The following MOV10L1 variants were observed in gnomAD, a reference collection of about 807,000 sequenced individuals.
The protein encoded by MOV10L1 is RNA helicase Mov10l1.
A neutral mutation model predicts 143.8 loss-of-function variants in MOV10L1; 110 were observed. The ratio of observed to expected loss-of-function variants is 0.76; its 90% confidence interval spans 0.66 to 0.90. The LOEUF is 0.90. MOV10L1 is among the 40% of genes least tolerant of loss of function. The pLI, the probability that MOV10L1 is intolerant of heterozygous loss-of-function variation, is 0.00. For synonymous variants in MOV10L1, 593 were observed against 581.1 expected (o/e 1.02, Z -0.29); for missense variants, 1,406 against 1,526.8 (o/e 0.92, Z 1.32).
chr22:50,140,378 A>G (rs1213837759), intron 15 of MOV10L1, among the ~76,000 whole-genome samples: 2 of 152,154 alleles, frequency 1.3e-5, no homozygotes, highest in Non-Finnish European at 1.5e-5. Flanking sequence ...CACTTTAAAT[A>G]TGTGCACCTT....
Position 50,108,708 on chromosome 22 carries a change from T to C in MOV10L1, c.607T>C (p.Phe203Leu), listed in dbSNP as rs1209101046. The change falls in exon 5 of 27, where the codon TTC becomes CTC. Residue 203 changes from phenylalanine to leucine, a missense_variant. Phe to Leu is a conservative substitution (Grantham distance 22). Around this residue, in one of 3 missense-constraint regions of MOV10L1, gnomAD observed 1,233 missense variants for 1,351.4 expected, o/e 0.91. Transcript: ENST00000262794. The stretch of plus-strand genomic sequence containing the variant: ...GAACGGGGTGTTAGAGGAAAGCATC[T>C]TCTTTACCTTGGACTCCTTGAAACT... ...GRNGVLEESI[F>L]FTLDSLKLPD... 6.2e-7 allele frequency: 1 copy of C among 1,614,070 alleles called. No homozygotes were observed. Among genetic ancestry groups the C allele is most frequent in the Non-Finnish European group, 8.5e-7 (1 of 1,180,026 alleles).
chr22:50,122,707 C>A (rs1046029242), intron 10 of MOV10L1, among the ~76,000 whole-genome samples: 1 of 151,850 alleles, frequency 6.6e-6, no homozygotes, highest in African/African-American at 2.4e-5. Context: ...TGACTTTCAT[C>A]ATTTTGAGGT....
In MOV10L1 at chr22:50,161,283, A is replaced by T; in HGVS notation, c.3555-85A>T. ...AACAGGGTAAACTAAGTCCCCTTGT[A>T]AAACCCACATTGGGAAAAGAGTGCA... is the stretch of plus-strand genomic sequence containing the variant. On this transcript the variant is annotated intron_variant, in intron 26 of 26. Transcript: ENST00000262794. The T allele has an allele frequency of 1.2e-5, 14 of 1,215,920 alleles. 1 individual carries two copies. The South Asian group carries it at 2.1e-4, about 18-fold the overall frequency. 75.3% of individuals were successfully genotyped at this position (1,215,920 alleles called of 1,614,324 possible).
At position 50,129,181 on chromosome 22, in the gene MOV10L1, T is replaced by C. The variant is rs77391114; in HGVS notation, c.1910+674T>C. ...AAAGGTGCATACATTTGCATGTGTA[T>C]TCTTTCCCAGATCTCATGTGCACCG... On this transcript the variant is annotated intron_variant, in intron 13 of 26. Transcript: ENST00000262794. Among the ~76,000 whole-genome samples the C allele has an allele frequency of 5.9e-5, 9 of 152,304 alleles. No homozygotes were observed. In the East Asian group the frequency reaches 1.7e-3, roughly 29 times the overall value.
intron 13 of MOV10L1, among the ~76,000 whole-genome samples, chr22:50,130,092 A>G (rs4377433): frequency 0.13 from 19,652 of 152,076 alleles, 1,571 homozygotes; most frequent in East Asian, 0.33. Flanking sequence ...CCTGGCCAAC[A>G]TGGGGAAACA....
At chr22:50,135,299 A>C in intron 15 of MOV10L1, among the ~76,000 whole-genome samples, 1 of 151,496 alleles carries the variant, frequency 6.6e-6, no homozygotes, top group East Asian at 2.0e-4. Context: ...GGCGTGAGCC[A>C]CCACACCCGG....
chr22:50,129,854 C>T lies in MOV10L1; in HGVS notation c.1910+1347C>T, dbSNP rs182656554. On this transcript the variant is annotated intron_variant, in intron 13 of 26. Transcript: ENST00000262794. ...TCCTCTTCCATGAAATGCTTGCTTG[C>T]GTCTTTTGCCCTCTTTTTTATTGAG... Among the ~76,000 whole-genome samples the T allele has an allele frequency of 3.4e-3, 524 of 152,302 alleles. 4 individuals are homozygous for T. The highest frequency in any genetic ancestry group is 0.02 in the Middle Eastern group (6 of 294).
In MOV10L1 at chr22:50,115,229, G is replaced by T. The variant is rs1174544427; in HGVS notation, c.1242G>T (p.Val414=). 6.5e-7 allele frequency: 1 copy of T among 1,526,818 alleles called. No homozygotes were observed. Among genetic ancestry groups the T allele is most frequent in the Admixed American group, 2.5e-5 (1 of 39,588 alleles). The allele number at this position is 1,526,818 out of a possible 1,614,324, so 94.6% of individuals were successfully genotyped here. The stretch of plus-strand genomic sequence containing the variant: ...CTCCAGGGGGAAAAACCTTCATTGT[G>T]GTCATCTGTGACGGAAAGTAAGGGC... The part of the protein sequence containing the change: ...LVPPGGKTFI[V]VICDGKNPGR... Residue 414 remains valine (V), a synonymous_variant, in exon 8 of 27, where the codon GTG becomes GTT. Transcript: ENST00000262794.
intron 15 of MOV10L1, among the ~76,000 whole-genome samples, chr22:50,138,850 C>T (rs960599470): frequency 1.3e-5 from 2 of 152,126 alleles, no homozygotes; most frequent in Admixed American, 6.5e-5. Context: ...ATTATAGGTG[C>T]GTGCCACCAC....
rs917580921 is a variant in MOV10L1, at chr22:50,146,004, G to A, written c.2627+194G>A. On this transcript the variant is annotated intron_variant, in intron 19 of 26. Coordinates refer to ENST00000262794, the MANE Select transcript of MOV10L1 (RefSeq NM_018995.3). ...GGGGAAGCCGAGACCCCAAGGACTC[G>A]AAGGAGCCAGCAGTGGGATGGGCAG... 3.3e-5 allele frequency among the ~76,000 whole-genome samples: 5 copies of A among 152,184 alleles called. No homozygotes were observed. The East Asian group carries it at 7.7e-4, about 23-fold the overall frequency.
chr22:50,151,173 C>A (rs2063290037), intron 21 of MOV10L1, among the ~76,000 whole-genome samples: 1 of 152,222 alleles, frequency 6.6e-6, no homozygotes. Context: ...ACTTAAAAAG[C>A]CTGCCCTAGA....
intron 3 of MOV10L1, among the ~76,000 whole-genome samples, chr22:50,104,667 G>A (rs1220066759): frequency 6.6e-6 from 1 of 152,000 alleles, no homozygotes; most frequent in African/African-American, 2.4e-5. Flanking sequence ...AAAAAGGTGA[G>A]TATATTAAAA....
At chr22:50,153,019 T>G in intron 21 of MOV10L1, 26 bp from the exon 22 acceptor site, 1 of 1,577,910 alleles carries the variant, frequency 6.3e-7, no homozygotes, top group South Asian at 1.1e-5. Context: ...ACCTTCCCCT[T>G]GTGACCCATC....
intron 19 of MOV10L1, 106 bp from the exon 20 acceptor site, chr22:50,149,509 C>G: frequency 8.9e-7 from 1 of 1,120,112 alleles, no homozygotes; most frequent in Admixed American, 2.1e-5. Flanking sequence ...CCTGGGCAAC[C>G]CTGCTGTGCC....
At chr22:50,127,705 G>C (rs1381759753) in intron 12 of MOV10L1, among the ~76,000 whole-genome samples, 1 of 152,084 alleles carries the variant, frequency 6.6e-6, no homozygotes, top group Non-Finnish European at 1.5e-5. Context: ...ATGCAGAACT[G>C]ATCATGCAGG....
chr22:50,158,555 TG>T lies in MOV10L1; in HGVS notation c.3216+352del, dbSNP rs1298234414. The T allele has an allele frequency of 8.0e-6, 2 of 249,054 alleles. No individual in the cohort carries two copies. Among genetic ancestry groups the T allele is most frequent in the African/African-American group, 2.3e-5 (1 of 43,862 alleles). The allele number at this position is 249,054 out of a possible 1,614,324, so 15.4% of individuals were successfully genotyped here. A position where few individuals can be genotyped will look rare whatever the true frequency, so the allele number is the denominator to read the frequency against. Reference sequence around the variant, plus strand: ...AGGGGGCACTTTGGGTATATTTGAATGGGACGCTTCTCATTTCGTATGACTC... The same window carrying T: ...AGGGGGCACTTTGGGTATATTTGAATGGACGCTTCTCATTTCGTATGACTC... On this transcript the variant is annotated intron_variant, in intron 23 of 26. Transcript: ENST00000262794. The surrounding 1 kb of genome is among the most constrained non-coding windows in gnomAD (Gnocchi z 5.0).
rs892929675 is a variant in MOV10L1 at position 50,160,885 on chromosome 22, C to T, written c.3462+60C>T. 7.4e-6 allele frequency: 12 copies of T among 1,612,862 alleles called. 1 individual carries two copies. The highest frequency in any genetic ancestry group is 6.7e-5 in the Admixed American group (4 of 59,968). On this transcript the variant is annotated intron_variant, in intron 25 of 26. Coordinates refer to ENST00000262794, the MANE Select transcript of MOV10L1 (RefSeq NM_018995.3). ...TTAAGGAGGGAGGGTCCGGGTCACT[C>T]GGGGTGAGACGTACGAGGCACCAGG... is the stretch of plus-strand genomic sequence containing the variant.
At chr22:50,142,823 G>C (rs12484167) in intron 16 of MOV10L1, among the ~76,000 whole-genome samples, 34,483 of 151,658 alleles carry the variant, frequency 0.23, 4,286 homozygotes, top group Admixed American at 0.35. Context: ...GTGACAGAGC[G>C]AGACCCTGTC....
intron 13 of MOV10L1, among the ~76,000 whole-genome samples, chr22:50,130,685 G>A (rs1283111909): frequency 6.6e-6 from 1 of 152,132 alleles, no homozygotes; most frequent in Non-Finnish European, 1.5e-5. Flanking sequence ...ATGATGACGT[G>A]TGAGGGTTGG....
Sources: gnomAD v4.1 joint callset for allele counts (sites outside exome capture counted in the v4.1 genomes callset) on GRCh38, gnomAD v4.1.1 for gene constraint, gnomAD v4.1.1 regional missense constraint, Gnocchi (gnomAD v3.1) non-coding constraint, MANE v1.5 for transcripts, NCBI Gene and HGNC (gene_info 2026-07-23, HGNC 2026-07-21) for gene names.